IPCEF1: variants seen among roughly 807,000 people sequenced by gnomAD.
IPCEF1 encodes the protein interactor protein for cytohesin exchange factors 1.
Under a neutral mutation model 50.9 loss-of-function variants are expected in IPCEF1, and 31 were observed. The observed-to-expected ratio is 0.61, with a 90% CI of 0.46 to 0.82. The LOEUF is 0.82. Ranked by LOEUF, IPCEF1 falls within the 40% of genes least tolerant of loss-of-function variation. The probability of loss-of-function intolerance (pLI) is 0.00; values close to 1 mark genes in which losing one functional copy is unlikely to be tolerated. For missense variants in IPCEF1, 458 were observed against 514.0 expected, an observed-to-expected ratio of 0.89 and a Z score of 1.05; for synonymous variants, 181 against 192.0, an observed-to-expected ratio of 0.94 and a Z score of 0.47.
At chr6:154,180,410 A>ATTTTT (rs1203931756) in intron 10 of IPCEF1, among the ~76,000 whole-genome samples, 1 of 40,412 alleles carries the variant, frequency 2.5e-5, no homozygotes, top group African/African-American at 1.3e-4. Context: ...ATATATATAT[A>ATTTTT]TATATTTTTT....
intron 5 of IPCEF1, 108 bp downstream of exon 5, chr6:154,246,483 G>T: frequency 7.9e-7 from 1 of 1,265,294 alleles, no homozygotes; most frequent in Non-Finnish European, 1.1e-6. Context: ...TATTTACTCC[G>T]CTCCAATTCC....
Position 154,273,704 on chromosome 6 carries a change from T to TTCCTTTTTTTC in IPCEF1, c.-17-7741_-17-7740insGAAAAAAAGGA, listed in dbSNP as rs371410830. Among the ~76,000 whole-genome samples the TTCCTTTTTTTC allele has an allele frequency of 1.9e-3, 144 of 77,382 alleles. 5 individuals are homozygous for TTCCTTTTTTTC. The highest frequency in any genetic ancestry group is 6.2e-3 in the African/African-American group (136 of 21,768). 50.8% of individuals were successfully genotyped at this position (77,382 alleles called of 152,430 possible). A position where few individuals can be genotyped will look rare whatever the true frequency, so the allele number is the denominator to read the frequency against. On this transcript the variant is annotated intron_variant, in intron 2 of 11. Transcript: ENST00000367220. ...CAAATTATTTTAAGCTTTTTTCTTTTTTTCTTTCTTTCTTTCTTTCTTTTT... is the reference window on the plus strand; with the variant it reads ...CAAATTATTTTAAGCTTTTTTCTTTTTCCTTTTTTTCTTTCTTTCTTTCTTTCTTTCTTTTT...
chr6:154,201,753 G>A (rs1777088697), intron 9 of IPCEF1, among the ~76,000 whole-genome samples: 1 of 152,186 alleles, frequency 6.6e-6, no homozygotes, highest in African/African-American at 2.4e-5. Context: ...AAATTAGCAG[G>A]ACATGGTGGC....
At chr6:154,237,245 T>C (rs1384443958) in intron 5 of IPCEF1, among the ~76,000 whole-genome samples, 2 of 152,210 alleles carry the variant, frequency 1.3e-5, no homozygotes, top group African/African-American at 2.4e-5. Flanking sequence ...GCTTGGGAAA[T>C]GTGCCCACAC....
At chr6:154,225,069 T>C (rs983893887) in intron 5 of IPCEF1, among the ~76,000 whole-genome samples, 4 of 152,198 alleles carry the variant, frequency 2.6e-5, no homozygotes, top group Admixed American at 6.5e-5. Context: ...TTTGAAATGC[T>C]TGGGGACTGG....
In IPCEF1 at chr6:154,159,944, G is replaced by C. The variant is rs924132141; in HGVS notation, c.1201C>G (p.Leu401Val). ...TGCTGCTGATAGATGTCCTGGATCAGCAGGGTGTTCATGACTTTCCACTCT... is the reference window on the plus strand; with the variant it reads ...TGCTGCTGATAGATGTCCTGGATCACCAGGGTGTTCATGACTTTCCACTCT... ...YREWKVMNTLLIQDIYQQQRA... is the reference protein window; with the variant it reads ...YREWKVMNTLVIQDIYQQQRA... The change falls in exon 12 of 12, where the codon CTG becomes GTG. Residue 401 changes from leucine to valine, a missense_variant. Physicochemically the swap from Leu to Val is conservative, Grantham distance 32. Transcript: ENST00000367220. The C allele has an allele frequency of 3.1e-6, 5 of 1,613,528 alleles. No individual in the cohort carries two copies. Among genetic ancestry groups the C allele is most frequent in the Non-Finnish European group, 4.2e-6 (5 of 1,179,950 alleles).
intron 1 of IPCEF1, among the ~76,000 whole-genome samples, chr6:154,356,276 G>C (rs1784216207): frequency 6.6e-6 from 1 of 152,090 alleles, no homozygotes; most frequent in African/African-American, 2.4e-5. Flanking sequence ...CCATGCAAAG[G>C]AAGCTCCCTT....
intron 2 of IPCEF1, among the ~76,000 whole-genome samples, chr6:154,272,517 A>C (rs1781924648): frequency 6.6e-6 from 1 of 152,246 alleles, no homozygotes. Flanking sequence ...AGCCAAACCA[A>C]TGAAATCACT....
At chr6:154,228,718 C>T (rs1779467047) in intron 5 of IPCEF1, among the ~76,000 whole-genome samples, 2 of 152,158 alleles carry the variant, frequency 1.3e-5, no homozygotes, top group African/African-American at 4.8e-5. Flanking sequence ...GAGTATTTGT[C>T]TCCTTTAAAC....
At chr6:154,234,493 C>T (rs1779961495) in intron 5 of IPCEF1, among the ~76,000 whole-genome samples, 1 of 152,232 alleles carries the variant, frequency 6.6e-6, no homozygotes, top group South Asian at 2.1e-4. Context: ...ATGCTATTCC[C>T]CTTGCAGAAA....
intron 10 of IPCEF1, among the ~76,000 whole-genome samples, chr6:154,195,240 A>C (rs1249751758): frequency 6.2e-5 from 9 of 144,796 alleles, no homozygotes; most frequent in East Asian, 2.1e-4. Context: ...CTCCGCCTCC[A>C]GGGTTCACAC....
intron 9 of IPCEF1, among the ~76,000 whole-genome samples, chr6:154,207,518 C>CA (rs1458531280): frequency 6.6e-6 from 1 of 151,856 alleles, no homozygotes; most frequent in Non-Finnish European, 1.5e-5. Flanking sequence ...TGTGAATTTC[C>CA]AAAATTAATT....
In IPCEF1 at chr6:154,168,527, AT is replaced by A. The variant is rs1799615235; in HGVS notation, c.911-415del. Among the ~76,000 whole-genome samples the A allele has an allele frequency of 6.6e-6, 1 of 152,142 alleles. No homozygotes were observed. The highest frequency in any genetic ancestry group is 6.5e-5 in the Admixed American group (1 of 15,276). On this transcript the variant is annotated intron_variant, in intron 10 of 11. Transcript: ENST00000367220. This position sits in a 1 kb window ranked among gnomAD's most constrained non-coding sequence, Gnocchi z 4.1. ...AACTAGTTAAATCTGCAACAACCCC[AT>A]TTCCCAATAAGGTCACATTCTGAGG...
intron 1 of IPCEF1, among the ~76,000 whole-genome samples, chr6:154,341,938 A>C (rs940248534): frequency 6.6e-6 from 1 of 152,206 alleles, no homozygotes; most frequent in African/African-American, 2.4e-5. Context: ...GATAACGTAA[A>C]GGAAAATTTA....
intron 1 of IPCEF1, among the ~76,000 whole-genome samples, chr6:154,291,680 G>GTTTT (rs34064925): frequency 8.2e-4 from 86 of 104,464 alleles, no homozygotes; most frequent in East Asian, 1.3e-3. Context: ...CTCAGGAAAG[G>GTTTT]TTTTTTTTTT....
chr6:154,320,109 C>T (rs1783335646), intron 1 of IPCEF1, among the ~76,000 whole-genome samples: 1 of 151,984 alleles, frequency 6.6e-6, no homozygotes, highest in Admixed American at 6.6e-5. Flanking sequence ...AAACTGTTTC[C>T]TCATTTTTAT....
chr6:154,193,410 T>G (rs1049434621), intron 10 of IPCEF1, among the ~76,000 whole-genome samples: 4 of 152,142 alleles, frequency 2.6e-5, no homozygotes, highest in Non-Finnish European at 2.9e-5. Flanking sequence ...TTGGGTACAG[T>G]ATATGCTGCT....
chr6:154,352,720 G>A (rs561745702), intron 1 of IPCEF1, among the ~76,000 whole-genome samples: 185 of 152,296 alleles, frequency 1.2e-3, no homozygotes, highest in Non-Finnish European at 2.2e-3. Context: ...GGGACTCCAT[G>A]GTGACCTGCT....
chr6:154,176,167 G>A (rs1408176869), intron 10 of IPCEF1, among the ~76,000 whole-genome samples: 1 of 152,120 alleles, frequency 6.6e-6, no homozygotes, highest in Non-Finnish European at 1.5e-5. Context: ...TTGATGGAAT[G>A]TATCTCAAAA....
Sources: allele counts gnomAD v4.1 joint callset (sites outside exome capture counted in the v4.1 genomes callset), GRCh38; gene constraint gnomAD v4.1.1; non-coding constraint Gnocchi (gnomAD v3.1); transcripts MANE v1.5; gene names NCBI Gene and HGNC (gene_info 2026-07-23, HGNC 2026-07-21).